The following ZNF888 variants were observed in gnomAD, a reference collection of about 807,000 sequenced individuals.
ZNF888 encodes CTD-2331H12.6.
A neutral mutation model predicts 7.2 loss-of-function variants in ZNF888; 5 were observed. That is an observed-to-expected ratio of 0.70 (90% CI 0.36 to 1.46). The LOEUF (loss-of-function observed/expected upper bound fraction) is 1.46. ZNF888 is among the 40% of genes most tolerant of loss of function. The pLI, the probability that ZNF888 is intolerant of heterozygous loss-of-function variation, is 0.03. For missense variants in ZNF888, 716 were observed against 858.0 expected (o/e 0.83, Z 2.07); for synonymous variants, 240 against 284.3 (o/e 0.84, Z 1.57).
chr19:52,917,027 A>C (rs1444936521), intron 3 of ZNF888, among the ~76,000 whole-genome samples: 1 of 152,250 alleles, frequency 6.6e-6, no homozygotes, highest in Non-Finnish European at 1.5e-5. Context: ...ATTTTTACCA[A>C]AAGCCTGTTT....
At chr19:52,908,264 ATACTTATTT>A (rs2064635698) in intron 4 of ZNF888, 85 bp from the exon 5 acceptor site, 5 of 1,317,974 alleles carry the variant, frequency 3.8e-6, no homozygotes, top group Admixed American at 1.9e-5. Flanking sequence ...ACCAAAAACA[ATACTTATTT>A]TAAACATCTC....
Position 52,919,932 on chromosome 19 carries a change from C to A in ZNF888, c.-177-995G>T, listed in dbSNP as rs1310730515. On this transcript the variant is annotated intron_variant, in intron 1 of 4. Coordinates refer to ENST00000638862, the MANE Select transcript of ZNF888 (RefSeq NM_001393938.1). ...GAGCCCCTCCGTCCGGCAGCCACCCCGTCTGGGAAGTGAGGAGCCCCTCTG... is the reference window on the plus strand; with the variant it reads ...GAGCCCCTCCGTCCGGCAGCCACCCAGTCTGGGAAGTGAGGAGCCCCTCTG... Among the ~76,000 whole-genome samples the A allele has an allele frequency of 6.6e-5, 4 of 60,154 alleles. No homozygotes were observed. In the East Asian group the frequency reaches 9.0e-4, roughly 14 times the overall value. 39.5% of individuals were successfully genotyped at this position (60,154 alleles called of 152,430 possible).
rs1252007822 is a variant in ZNF888 at position 52,921,588 on chromosome 19, C to T, written c.-178+1781G>A. 1.2e-5 allele frequency: 10 copies of T among 865,688 alleles called. No individual in the cohort carries two copies. The African/African-American group carries it at 1.5e-4, about 13-fold the overall frequency. 53.6% of individuals were successfully genotyped at this position (865,688 alleles called of 1,614,324 possible). ...AAACTTCTTTTGCAAGGTTCTGATG[C>T]CATTAATTCCTAACATTTAATTTTT... On this transcript the variant is annotated intron_variant, in intron 1 of 4. Coordinates refer to ENST00000638862, the MANE Select transcript of ZNF888 (RefSeq NM_001393938.1).
In ZNF888 at chr19:52,907,132, A is replaced by C; in HGVS notation, c.1190T>G (p.Leu397Arg). The change falls in exon 5 of 5, where the codon CTG becomes CGG. Residue 397 changes from leucine (L) to arginine (R), a missense_variant. This residue lies in a region of ZNF888 where 697 missense variants were observed against 803.4 expected (regional missense o/e 0.87). Transcript: ENST00000638862. ...CDKAFRHDSH[L>R]AQHIVIHTRE... The stretch of plus-strand genomic sequence containing the variant: ...AGTGTGAATTACAATATGCTGTGCC[A>C]GGTGTGAATCATGTCTGAAAGCCTT... The C allele has an allele frequency of 6.2e-7, 1 of 1,611,542 alleles. No individual in the cohort carries two copies. Among genetic ancestry groups the C allele is most frequent in the Non-Finnish European group, 8.5e-7 (1 of 1,179,418 alleles).
At position 52,915,615 on chromosome 19, in the gene ZNF888, C is replaced by A. The variant is rs551598474; in HGVS notation, c.16-293G>T. On this transcript the variant is annotated intron_variant, in intron 3 of 4. Transcript: ENST00000638862. The stretch of plus-strand genomic sequence containing the variant: ...TCAGCCTCCCAAGTAGATAGTACTA[C>A]AGGCATCTGCCACCATGCCTGGCTA... Among the ~76,000 whole-genome samples the A allele has an allele frequency of 2.6e-5, 4 of 152,182 alleles. No homozygotes were observed. The East Asian group carries it at 7.8e-4, about 30-fold the overall frequency.
At chr19:52,909,935 G>A (rs2064656699) in intron 4 of ZNF888, among the ~76,000 whole-genome samples, 1 of 152,078 alleles carries the variant, frequency 6.6e-6, no homozygotes, top group African/African-American at 2.4e-5. Flanking sequence ...GCCAAGGCGG[G>A]TGGATCACCC....
chr19:52,906,694 A>C lies in ZNF888; in HGVS notation c.1628T>G (p.Ile543Ser). Reference protein sequence around the residue: ...QNSSLVMHKVIHTGEKRYKCN... With the variant: ...QNSSLVMHKVSHTGEKRYKCN... ...CTTGTAACGTTTCTCTCCAGTATGA[A>C]TGACCTTATGCATTACAAGAGATGA... The change falls in exon 5 of 5, where the codon ATT (isoleucine) becomes AGT (serine). Residue 543 changes from isoleucine to serine, a missense_variant. Around this residue, in one of 2 missense-constraint regions of ZNF888, gnomAD observed 697 missense variants for 803.4 expected, o/e 0.87. Coordinates refer to ENST00000638862, the MANE Select transcript of ZNF888 (RefSeq NM_001393938.1). The C allele has an allele frequency of 6.2e-7, 1 of 1,606,968 alleles. No individual in the cohort carries two copies. The highest frequency in any genetic ancestry group is 8.5e-7 in the Non-Finnish European group (1 of 1,175,136).
Position 52,906,677 on chromosome 19 carries a change from G to A in ZNF888, c.1645C>T (p.Arg549Cys), listed in dbSNP as rs1312631440. ...MHKVIHTGEK[R>C]YKCNECGKSF... is the part of the protein sequence containing the mutation. ...TTGCCACATTCATTACACTTGTAAC[G>A]TTTCTCTCCAGTATGAATGACCTTA... is the stretch of plus-strand genomic sequence containing the variant. The change falls in exon 5 of 5, where the codon CGT (arginine) becomes TGT (cysteine). Residue 549 changes from arginine (R) to cysteine (C), a missense_variant. Arg to Cys is a radical substitution (Grantham distance 180). Coordinates refer to ENST00000638862, the MANE Select transcript of ZNF888 (RefSeq NM_001393938.1). 5.0e-6 allele frequency: 8 copies of A among 1,613,692 alleles called. No homozygotes were observed. Among genetic ancestry groups the A allele is most frequent in the East Asian group, 4.5e-5 (2 of 44,882 alleles).
Position 52,922,113 on chromosome 19 carries a change from G to A in ZNF888, c.-178+1256C>T, listed in dbSNP as rs149707655. ...GTGGATCACCTGAAGTCAGGAGTTT[G>A]AGACCAGCCTGGCCAACATGGTGAA... On this transcript the variant is annotated intron_variant, in intron 1 of 4. Coordinates refer to ENST00000638862, the MANE Select transcript of ZNF888 (RefSeq NM_001393938.1). 2.2e-3 allele frequency among the ~76,000 whole-genome samples: 338 copies of A among 152,064 alleles called. 1 individual carries two copies. Among genetic ancestry groups the A allele is most frequent in the African/African-American group, 8.0e-3 (332 of 41,484 alleles).
Position 52,906,813 on chromosome 19 carries a change from G to A in ZNF888, c.1509C>T (p.Phe503=). ...PYKCKVCDKA[F]RRDSHLAQHT... is the part of the protein sequence containing the mutation. ...GTTGTGCCAGGTGTGAATCACGTCTGAAAGCCTTGTCACAAACCTTACATT... is the reference window on the plus strand; with the variant it reads ...GTTGTGCCAGGTGTGAATCACGTCTAAAAGCCTTGTCACAAACCTTACATT... The change falls in exon 5 of 5, where the codon TTC becomes TTT. Residue 503 remains phenylalanine (F), a synonymous_variant. Transcript: ENST00000638862. The A allele has an allele frequency of 1.9e-6, 3 of 1,613,252 alleles. No homozygotes were observed. Among genetic ancestry groups the A allele is most frequent in the Non-Finnish European group, 2.5e-6 (3 of 1,179,720 alleles).
chr19:52,922,383 C>T lies in ZNF888; in HGVS notation c.-178+986G>A, dbSNP rs551589484. ...CTGCTGTGGTTCTCCCTCTGTTCTC[C>T]TTGCCACCAGCACCACTCTGCTCTG... On this transcript the variant is annotated intron_variant, in intron 1 of 4. Coordinates refer to ENST00000638862, the MANE Select transcript of ZNF888 (RefSeq NM_001393938.1). Among the ~76,000 whole-genome samples the T allele has an allele frequency of 2.7e-3, 415 of 152,180 alleles. 1 individual carries two copies. Among genetic ancestry groups the T allele is most frequent in the South Asian group, 5.2e-3 (25 of 4,826 alleles).
chr19:52,912,724 T>C (rs59612220), intron 4 of ZNF888, among the ~76,000 whole-genome samples: 53,094 of 151,212 alleles, frequency 0.35, 11,857 homozygotes, highest in African/African-American at 0.62. Flanking sequence ...ACTGAGACTC[T>C]GTCTCAAAGA....
chr19:52,906,872 G>A lies in ZNF888; in HGVS notation c.1450C>T (p.His484Tyr). The stretch of plus-strand genomic sequence containing the variant: ...TTCTCACCAGTGTGAATTCTCCTAT[G>A]TCTTTCAAGGTGTGATTTGCGACTG... ...VFSRKSHLER[H>Y]RRIHTGEKPY... The change falls in exon 5 of 5, where the codon CAT becomes TAT. Residue 484 changes from histidine to tyrosine, a missense_variant. By Grantham distance (83) the His-to-Tyr change is moderately conservative (BLOSUM62 2). Around this residue, in one of 2 missense-constraint regions of ZNF888, gnomAD observed 697 missense variants for 803.4 expected, o/e 0.87. Coordinates refer to ENST00000638862, the MANE Select transcript of ZNF888 (RefSeq NM_001393938.1). 6.2e-7 allele frequency: 1 copy of A among 1,612,296 alleles called. No homozygotes were observed. Among genetic ancestry groups the A allele is most frequent in the Non-Finnish European group, 8.5e-7 (1 of 1,179,642 alleles).
intron 4 of ZNF888, chr19:52,913,864 G>A (rs1939139718): frequency 2.0e-5 from 10 of 494,686 alleles, no homozygotes; most frequent in South Asian, 1.8e-4. Flanking sequence ...GGTGGCTCAC[G>A]CCTGTAATCC....
rs1364721085 is a variant in ZNF888, at chr19:52,912,104, T to C, written c.142+3092A>G. ...CTGGGCTCACAGGAGTGAGCCACTGTGCCCGGCCTTTATTTTTATTTTTTT... is the reference window on the plus strand; with the variant it reads ...CTGGGCTCACAGGAGTGAGCCACTGCGCCCGGCCTTTATTTTTATTTTTTT... On this transcript the variant is annotated intron_variant, in intron 4 of 4. Coordinates refer to ENST00000638862, the MANE Select transcript of ZNF888 (RefSeq NM_001393938.1). Among the ~76,000 whole-genome samples the C allele has an allele frequency of 2.1e-5, 3 of 145,642 alleles. No homozygotes were observed. The East Asian group carries it at 6.1e-4, about 30-fold the overall frequency.
Position 52,907,698 on chromosome 19 carries a change from G to C in ZNF888, c.624C>G (p.His208Gln). The change falls in exon 5 of 5, where the codon CAC (histidine) becomes CAG (glutamine). Residue 208 changes from histidine to glutamine, a missense_variant. This residue lies in a region of ZNF888 where 697 missense variants were observed against 803.4 expected (regional missense o/e 0.87). Transcript: ENST00000638862. ...SSLLTQKQDV[H>Q]RKEKSFQFNE... The stretch of plus-strand genomic sequence containing the variant: ...TAAATTGGAAAGATTTTTCTTTCCT[G>C]TGTACATCCTGTTTCTGTGTGAGTA... 6.2e-7 allele frequency: 1 copy of C among 1,611,024 alleles called. No individual in the cohort carries two copies. Among genetic ancestry groups the C allele is most frequent in the Non-Finnish European group, 8.5e-7 (1 of 1,178,704 alleles).
intron 4 of ZNF888, among the ~76,000 whole-genome samples, chr19:52,909,967 GC>G (rs1186164847): frequency 2.0e-5 from 3 of 151,970 alleles, no homozygotes; most frequent in Admixed American, 1.3e-4. Context: ...TTCTAGAACA[GC>G]CTGGCCAACA....
chr19:52,912,232 G>A (rs2147928852), intron 4 of ZNF888, among the ~76,000 whole-genome samples: 1 of 150,562 alleles, frequency 6.6e-6, no homozygotes, highest in East Asian at 2.0e-4. Context: ...TCCTGCCTCA[G>A]CCTCCCGAGT....
intron 4 of ZNF888, among the ~76,000 whole-genome samples, chr19:52,913,057 A>C (rs1195374436): frequency 6.6e-6 from 1 of 152,214 alleles, no homozygotes; most frequent in Non-Finnish European, 1.5e-5. Flanking sequence ...TAGTGAGCCA[A>C]GATCGCAACA....
Sources: allele counts gnomAD v4.1 joint callset (sites outside exome capture counted in the v4.1 genomes callset), GRCh38; gene constraint gnomAD v4.1.1; regional missense constraint gnomAD v4.1.1; transcripts MANE v1.5; gene names NCBI Gene and HGNC (gene_info 2026-07-23, HGNC 2026-07-21).